BAHCC1: variants seen among roughly 807,000 people sequenced by gnomAD.
BAHCC1 encodes BAH and coiled-coil domain-containing protein 1.
Under a neutral mutation model 88.2 loss-of-function variants are expected in BAHCC1, and 43 were observed. The observed-to-expected ratio is 0.49, with a 90% CI of 0.38 to 0.63. The LOEUF is 0.63. Ranked by LOEUF, BAHCC1 falls within the 20% of genes least tolerant of loss-of-function variation. The pLI is 0.00. For synonymous variants in BAHCC1, 1,510 were observed against 745.5 expected (o/e 2.03, Z -16.71); for missense variants, 3,023 against 1,654.8 (o/e 1.83, Z -14.34).
intron 2 of BAHCC1, among the ~76,000 whole-genome samples, chr17:81,406,032 T>TA (rs2063874227): frequency 6.6e-6 from 1 of 152,100 alleles, no homozygotes; most frequent in African/African-American, 2.4e-5. Flanking sequence ...CTCGAGAAAA[T>TA]ACCGCCCAGC....
At chr17:81,449,445 A>G (rs1555655303) in intron 11 of BAHCC1, among the ~76,000 whole-genome samples, 1 of 152,170 alleles carries the variant, frequency 6.6e-6, no homozygotes, top group African/African-American at 2.4e-5. Flanking sequence ...CAGAGGGGGA[A>G]GTGGAGAAAA....
chr17:81,451,040 C>T (rs1397833445), intron 11 of BAHCC1: 1 of 154,390 alleles, frequency 6.5e-6, no homozygotes, highest in Non-Finnish European at 1.5e-5. Context: ...CAGGCAATGG[C>T]AGGTCTTAGC....
chr17:81,439,740 C>T (rs1273085138), intron 4 of BAHCC1, among the ~76,000 whole-genome samples: 2 of 152,034 alleles, frequency 1.3e-5, no homozygotes, highest in African/African-American at 2.4e-5. Flanking sequence ...GAAAGGCCCC[C>T]ACAGGGCCTG....
In BAHCC1 at chr17:81,426,910, C is replaced by G; in HGVS notation, c.289C>G (p.Pro97Ala). Residue 97 changes from proline to alanine, a missense_variant, in exon 3 of 28, where the codon CCC becomes GCC. Coordinates refer to ENST00000675386, the MANE Select transcript of BAHCC1 (RefSeq NM_001377448.1). ...GCACCCCAGCGGCCCCAGCTCCTCC[C>G]CCCCTGAGCAGGCCTACCGTGGCTC... ...STHPSGPSSS[P>A]PEQAYRGSHP... 1 of 398,982 alleles carries G rather than the reference C, an allele frequency of 2.5e-6. No homozygotes were observed. Among genetic ancestry groups the G allele is most frequent in the Non-Finnish European group, 4.4e-6 (1 of 226,356 alleles). The allele number at this position is 398,982 out of a possible 1,614,324, so 24.7% of individuals were successfully genotyped here. A position where few individuals can be genotyped will look rare whatever the true frequency, so the allele number is the denominator to read the frequency against.
intron 2 of BAHCC1, among the ~76,000 whole-genome samples, chr17:81,422,632 G>A (rs372409984): frequency 1.1e-4 from 17 of 152,306 alleles, no homozygotes; most frequent in African/African-American, 2.2e-4. Flanking sequence ...CCCCAAGTCC[G>A]GAGACAGGCT....
Position 81,460,329 on chromosome 17 carries a change from C to T in BAHCC1, c.5958C>T (p.Asp1986=), listed in dbSNP as rs114502458. 1,032 of 776,772 alleles carry T rather than the reference C, an allele frequency of 1.3e-3. 8 individuals are homozygous for T. The African/African-American group carries it at 0.015, about 12-fold the overall frequency. 48.1% of individuals were successfully genotyped at this position (776,772 alleles called of 1,614,324 possible). Residue 1986 remains aspartate (D), a synonymous_variant, in exon 24 of 28, where the codon GAC becomes GAT. Transcript: ENST00000675386. ...EDLDSVVVEF[D]DGDTGHIAVS... is the part of the protein sequence containing the mutation. The stretch of plus-strand genomic sequence containing the variant: ...TGGACTCAGTAGTGGTGGAATTTGA[C>T]GATGGGGATACAGGCCACATCGCCG...
Position 81,461,960 on chromosome 17 carries a change from C to A in BAHCC1, c.7297C>A (p.Arg2433=). 1 of 770,938 alleles carries A rather than the reference C, an allele frequency of 1.3e-6. No individual in the cohort carries two copies. The highest frequency in any genetic ancestry group is 2.4e-6 in the Non-Finnish European group (1 of 414,292). 47.8% of individuals were successfully genotyped at this position (770,938 alleles called of 1,614,324 possible). A position where few individuals can be genotyped will look rare whatever the true frequency, so the allele number is the denominator to read the frequency against. ...SKAKELSRRQ[R]PPSVENRPKI... ...AGCCAAAGAGCTCTCCCGGAGGCAG[C>A]GGCCGCCCTCCGTGGAAAACCGGCC... Residue 2433 remains arginine, a synonymous_variant, in exon 26 of 28, where the codon CGG becomes AGG. Coordinates refer to ENST00000675386, the MANE Select transcript of BAHCC1 (RefSeq NM_001377448.1).
intron 4 of BAHCC1, among the ~76,000 whole-genome samples, chr17:81,440,926 G>T (rs553316051): frequency 6.6e-6 from 1 of 152,204 alleles, no homozygotes; most frequent in Admixed American, 6.5e-5. Flanking sequence ...CCCTTCCTCC[G>T]CGACCCACCC....
intron 2 of BAHCC1, among the ~76,000 whole-genome samples, chr17:81,412,181 C>T (rs1385261381): frequency 6.6e-6 from 1 of 152,196 alleles, no homozygotes; most frequent in African/African-American, 2.4e-5. Context: ...ATCCGGCCAG[C>T]CCTGCCGTGG....
chr17:81,426,112 T>C (rs2064193435), intron 2 of BAHCC1, among the ~76,000 whole-genome samples: 4 of 109,866 alleles, frequency 3.6e-5, no homozygotes, highest in East Asian at 2.9e-4. Context: ...GTGGGTGATG[T>C]GGTTGGTGGT....
At position 81,457,565 on chromosome 17, in the gene BAHCC1, A is replaced by G. The variant is rs782032596; in HGVS notation, c.5014A>G (p.Lys1672Glu). 1 of 747,650 alleles carries G rather than the reference A, an allele frequency of 1.3e-6. No homozygotes were observed. Among genetic ancestry groups the G allele is most frequent in the Non-Finnish European group, 2.5e-6 (1 of 402,034 alleles). The allele number at this position is 747,650 out of a possible 1,614,324, so 46.3% of individuals were successfully genotyped here. Residue 1672 changes from lysine (K) to glutamate (E), a missense_variant, in exon 17 of 28, where the codon AAG becomes GAG. By Grantham distance (56) the Lys-to-Glu change is moderately conservative. Coordinates refer to ENST00000675386, the MANE Select transcript of BAHCC1 (RefSeq NM_001377448.1). ...VKMEANQKAK[K>E]KKERQGLLGA... is the part of the protein sequence containing the mutation. ...GATGGAGGCCAACCAGAAGGCCAAG[A>G]AGAAGAAGGAGAGGCAGGGGTTGCT...
rs781922978 is a variant in BAHCC1, at chr17:81,461,891, A to C, written c.7228A>C (p.Ser2410Arg). 5 of 733,830 alleles carry C rather than the reference A, an allele frequency of 6.8e-6. No individual in the cohort carries two copies. Among genetic ancestry groups the C allele is most frequent in the Middle Eastern group, 2.3e-4 (1 of 4,412 alleles). 45.5% of individuals were successfully genotyped at this position (733,830 alleles called of 1,614,324 possible). Residue 2410 changes from serine (S) to arginine (R), a missense_variant, in exon 26 of 28, where the codon AGC becomes CGC. By Grantham distance (110) the Ser-to-Arg change is moderately radical. Coordinates refer to ENST00000675386, the MANE Select transcript of BAHCC1 (RefSeq NM_001377448.1). ...TGCGGGCTCAGGCCCCAGCAGCAGCAGCAAATCCAAGCTCAAGCGCAAAGA... is the reference window on the plus strand; with the variant it reads ...TGCGGGCTCAGGCCCCAGCAGCAGCCGCAAATCCAAGCTCAAGCGCAAAGA... ...TGAGSGPSSS[S>R]KSKLKRKEAL...
intron 2 of BAHCC1, among the ~76,000 whole-genome samples, chr17:81,424,440 C>CTA (rs2064150413): frequency 6.6e-6 from 1 of 152,214 alleles, no homozygotes; most frequent in African/African-American, 2.4e-5. Context: ...GGAGGCCCAT[C>CTA]CACAGACCCT....
At chr17:81,424,124 C>G (rs2064146908) in intron 2 of BAHCC1, among the ~76,000 whole-genome samples, 1 of 152,246 alleles carries the variant, frequency 6.6e-6, no homozygotes, top group East Asian at 1.9e-4. Flanking sequence ...AGTCTTCCCC[C>G]TGGCTCAGTT....
intron 3 of BAHCC1, among the ~76,000 whole-genome samples, chr17:81,428,544 C>T (rs1167549997): frequency 1.3e-5 from 2 of 152,220 alleles, no homozygotes; most frequent in Non-Finnish European, 2.9e-5. Flanking sequence ...CAGCCCATCC[C>T]CAATGCTCTC....
In BAHCC1 at chr17:81,466,075, CCTTT is replaced by C. The variant is rs1965646915; in HGVS notation, c.*2263_*2266del. On this transcript the variant is annotated 3_prime_UTR_variant, in exon 28 of 28. Transcript: ENST00000675386. ...GGTTCCGCTTTGTCCCTGGTTTTTT[CCTTT>C]CTTTTTCTGTGTGCGTGCGAATGGT... 6.6e-6 allele frequency: 1 copy of C among 152,630 alleles called. No individual in the cohort carries two copies. The highest frequency in any genetic ancestry group is 2.4e-5 in the African/African-American group (1 of 41,542). 9.5% of individuals were successfully genotyped at this position (152,630 alleles called of 1,614,324 possible).
At position 81,434,803 on chromosome 17, in the gene BAHCC1, G is replaced by A. The variant is rs2064314050; in HGVS notation, c.359-3567G>A. Among the ~76,000 whole-genome samples, 1 of 152,096 alleles carries A rather than the reference G, an allele frequency of 6.6e-6. No homozygotes were observed. Among genetic ancestry groups the A allele is most frequent in the Non-Finnish European group, 1.5e-5 (1 of 67,996 alleles). On this transcript the variant is annotated intron_variant, in intron 3 of 27. Transcript: ENST00000675386. The surrounding 1 kb of genome is among the most constrained non-coding windows in gnomAD (Gnocchi z 4.9). The stretch of plus-strand genomic sequence containing the variant: ...GCAAGAGGAGGAAGGCGCAGGGCTG[G>A]CCTGGAGAGGGCAGGGCCTCGACGT...
At chr17:81,409,652 G>T (rs2063924228) in intron 2 of BAHCC1, among the ~76,000 whole-genome samples, 1 of 152,164 alleles carries the variant, frequency 6.6e-6, no homozygotes, top group African/African-American at 2.4e-5. Context: ...GGGGAGGGCT[G>T]CCTCTCCCCG....
rs2064365837 is a variant in BAHCC1 at position 81,438,383 on chromosome 17, C to A, written c.372C>A (p.Pro124=). ...TTGCTTCTCTAGCTCCGGGGTACCCCAGATTTTCGGGGAGTCTGGCATCCA... is the reference window on the plus strand; with the variant it reads ...TTGCTTCTCTAGCTCCGGGGTACCCAAGATTTTCGGGGAGTCTGGCATCCA... ...FSHSHEAPGY[P]RFSGSLASTF... The change falls in exon 4 of 28, where the codon CCC becomes CCA. Residue 124 remains proline (P), a synonymous_variant. Coordinates refer to ENST00000675386, the MANE Select transcript of BAHCC1 (RefSeq NM_001377448.1). The A allele has an allele frequency of 1.3e-6, 1 of 778,834 alleles. No homozygotes were observed. The highest frequency in any genetic ancestry group is 2.4e-6 in the Non-Finnish European group (1 of 417,642). The allele number at this position is 778,834 out of a possible 1,614,324, so 48.2% of individuals were successfully genotyped here. A position where few individuals can be genotyped will look rare whatever the true frequency, so the allele number is the denominator to read the frequency against.
Sources: gnomAD v4.1 joint callset for allele counts (sites outside exome capture counted in the v4.1 genomes callset) on GRCh38, gnomAD v4.1.1 for gene constraint, Gnocchi (gnomAD v3.1) non-coding constraint, MANE v1.5 for transcripts, NCBI Gene and HGNC (gene_info 2026-07-23, HGNC 2026-07-21) for gene names.